The following ST6GALNAC3 variants were observed in gnomAD, a reference collection of about 807,000 sequenced individuals.
ST6GALNAC3 encodes the protein alpha-N-acetylgalactosaminide alpha-2,6-sialyltransferase 3.
Under a neutral mutation model 32.7 loss-of-function variants are expected in ST6GALNAC3, and 25 were observed. The ratio of observed to expected loss-of-function variants is 0.76; its 90% CI spans 0.56 to 1.07. The LOEUF is 1.07. Among genes scored for constraint, ST6GALNAC3 ranks in the 50% least tolerant of loss-of-function variants. The probability of loss-of-function intolerance (pLI) is 0.00; values close to 1 mark genes in which losing one functional copy is unlikely to be tolerated. For missense variants in ST6GALNAC3, 355 were observed against 382.4 expected, an observed-to-expected ratio of 0.93 and a Z score of 0.60; for synonymous variants, 129 against 133.1, an observed-to-expected ratio of 0.97 and a Z score of 0.21.
At chr1:76,451,743 C>G (rs1221113397) in intron 3 of ST6GALNAC3, among the ~76,000 whole-genome samples, 1 of 152,116 alleles carries the variant, frequency 6.6e-6, no homozygotes, top group Admixed American at 6.6e-5. Context: ...TATAGCAGAC[C>G]TACTGATTTG....
chr1:76,124,621 G>A (rs1344912261), intron 1 of ST6GALNAC3, among the ~76,000 whole-genome samples: 2 of 152,134 alleles, frequency 1.3e-5, no homozygotes, highest in Non-Finnish European at 2.9e-5. Flanking sequence ...GGTCAGCCTG[G>A]CCCCAACTTT....
chr1:76,144,662 A>G (rs1650560900), intron 1 of ST6GALNAC3, among the ~76,000 whole-genome samples: 1 of 152,212 alleles, frequency 6.6e-6, no homozygotes, highest in Non-Finnish European at 1.5e-5. Flanking sequence ...CACTTCTTTT[A>G]ATAAATACAA....
At chr1:76,202,548 G>A (rs1557693220) in intron 1 of ST6GALNAC3, among the ~76,000 whole-genome samples, 2 of 152,104 alleles carry the variant, frequency 1.3e-5, no homozygotes, top group Non-Finnish European at 1.5e-5. Context: ...CCTGCAGTAG[G>A]AACAGATGAA....
intron 1 of ST6GALNAC3, among the ~76,000 whole-genome samples, chr1:76,110,973 TAG>T (rs1647887810): frequency 6.6e-6 from 1 of 151,682 alleles, no homozygotes. Context: ...GAAAAGAAAA[TAG>T]AGGAGAAGAG....
Position 76,630,999 on chromosome 1 carries a change from G to A in ST6GALNAC3, c.*2193G>A. On this transcript the variant is annotated 3_prime_UTR_variant, in exon 5 of 5. Transcript: ENST00000328299. ...TTATTTAGTTTTCTAATAAATGAAG[G>A]GCCAACTCTTATTTGTTCTAGCCCC... The A allele has an allele frequency of 1.0e-6, 1 of 985,532 alleles. No individual in the cohort carries two copies. Among genetic ancestry groups the A allele is most frequent in the Non-Finnish European group, 1.2e-6 (1 of 829,818 alleles). The allele number at this position is 985,532 out of a possible 1,614,324, so 61.0% of individuals were successfully genotyped here.
chr1:76,351,252 T>C (rs765733581), intron 2 of ST6GALNAC3, among the ~76,000 whole-genome samples: 8 of 152,212 alleles, frequency 5.3e-5, no homozygotes, highest in Non-Finnish European at 1.2e-4. Context: ...TTATGTAGCA[T>C]AGTCATTTTT....
At chr1:76,608,327 T>A (rs1647694545) in intron 3 of ST6GALNAC3, among the ~76,000 whole-genome samples, 1 of 152,136 alleles carries the variant, frequency 6.6e-6, no homozygotes, top group African/African-American at 2.4e-5. Flanking sequence ...ATGACAAGTA[T>A]TACCCTAGAT....
intron 3 of ST6GALNAC3, among the ~76,000 whole-genome samples, chr1:76,575,150 C>A (rs1570334854): frequency 6.6e-6 from 1 of 152,058 alleles, no homozygotes; most frequent in Non-Finnish European, 1.5e-5. Context: ...CAACAGTTCA[C>A]CTTTATATGC....
At chr1:76,404,592 A>T (rs759077087) in intron 2 of ST6GALNAC3, among the ~76,000 whole-genome samples, 1 of 152,142 alleles carries the variant, frequency 6.6e-6, no homozygotes, top group Non-Finnish European at 1.5e-5. Context: ...TGCCGTCATT[A>T]TACATGTTGA....
rs144766634 is a variant in ST6GALNAC3, at chr1:76,158,402, G to T, written c.18+83518G>T. On this transcript the variant is annotated intron_variant, in intron 1 of 4. Transcript: ENST00000328299. ...CTAGCGATTTGAAACCCAGAGCCGG[G>T]GCCCTCTGACATGAAGGCACCTTTA... 5.8e-4 allele frequency among the ~76,000 whole-genome samples: 88 copies of T among 152,264 alleles called. 1 individual carries two copies. The East Asian group carries it at 0.014, about 25-fold the overall frequency.
At chr1:76,459,015 A>G (rs1488487297) in intron 3 of ST6GALNAC3, among the ~76,000 whole-genome samples, 2 of 152,112 alleles carry the variant, frequency 1.3e-5, no homozygotes, top group East Asian at 1.9e-4. Flanking sequence ...ATCTTTTATC[A>G]TGGAGCCAAA....
intron 1 of ST6GALNAC3, among the ~76,000 whole-genome samples, chr1:76,312,376 T>C (rs1461879627): frequency 6.6e-6 from 1 of 152,068 alleles, no homozygotes; most frequent in Admixed American, 6.6e-5. Flanking sequence ...AAAGACTTAA[T>C]GACTAAAACA....
chr1:76,407,968 A>G (rs12058124), intron 2 of ST6GALNAC3, among the ~76,000 whole-genome samples: 4,110 of 152,162 alleles, frequency 0.027, 175 homozygotes, highest in African/African-American at 0.094. Flanking sequence ...CGTAGTAATA[A>G]AGCTAATAAG....
intron 3 of ST6GALNAC3, among the ~76,000 whole-genome samples, chr1:76,571,312 C>T (rs909040122): frequency 6.6e-6 from 1 of 152,072 alleles, no homozygotes; most frequent in Admixed American, 6.6e-5. Context: ...AGTGGTCGCT[C>T]ACTGTTTCTA....
At chr1:76,191,436 C>T (rs192555714) in intron 1 of ST6GALNAC3, among the ~76,000 whole-genome samples, 4 of 152,164 alleles carry the variant, frequency 2.6e-5, no homozygotes, top group African/African-American at 9.6e-5. Flanking sequence ...ATTAGGAAGA[C>T]TGCGTTCCGG....
At chr1:76,398,162 A>G (rs929178888) in intron 2 of ST6GALNAC3, among the ~76,000 whole-genome samples, 1 of 152,140 alleles carries the variant, frequency 6.6e-6, no homozygotes, top group Non-Finnish European at 1.5e-5. Flanking sequence ...TTTCCTACAA[A>G]AAAAAAGAGA....
At chr1:76,488,953 C>G (rs1571393781) in intron 3 of ST6GALNAC3, among the ~76,000 whole-genome samples, 1 of 152,264 alleles carries the variant, frequency 6.6e-6, no homozygotes, top group East Asian at 1.9e-4. Context: ...TTCTTCCTTT[C>G]TTTTCTCTAT....
intron 3 of ST6GALNAC3, among the ~76,000 whole-genome samples, chr1:76,430,087 C>A (rs1330890415): frequency 6.6e-6 from 1 of 152,106 alleles, no homozygotes; most frequent in Non-Finnish European, 1.5e-5. Flanking sequence ...TCTTTCCTAA[C>A]GAAAATGTAA....
intron 1 of ST6GALNAC3, among the ~76,000 whole-genome samples, chr1:76,296,980 G>T (rs1660441142): frequency 6.6e-6 from 1 of 151,870 alleles, no homozygotes; most frequent in African/African-American, 2.4e-5. Flanking sequence ...CTAATATTTT[G>T]TATTAAATGG....
Sources: allele counts gnomAD v4.1 joint callset (sites outside exome capture counted in the v4.1 genomes callset), GRCh38; gene constraint gnomAD v4.1.1; transcripts MANE v1.5; gene names NCBI Gene and HGNC (gene_info 2026-07-23, HGNC 2026-07-21).